Variants in EFR3A observed in about 807,000 individuals in gnomAD.
EFR3A encodes protein EFR3 homolog A.
EFR3A carries 76 observed loss-of-function variants against 104.4 expected under a neutral mutation model. The observed-to-expected ratio is 0.73, with a 90% CI of 0.60 to 0.88. The LOEUF (loss-of-function observed/expected upper bound fraction) is 0.88. EFR3A is among the 40% of genes least tolerant of loss of function. The pLI, the probability that EFR3A is intolerant of heterozygous loss-of-function variation, is 0.00. For synonymous variants in EFR3A, 330 were observed against 330.0 expected (o/e 1.00, Z 0.00); for missense variants, 985 against 1,012.5 (o/e 0.97, Z 0.37).
intron 1 of EFR3A, among the ~76,000 whole-genome samples, chr8:131,931,244 CAT>C (rs1817594836): frequency 6.6e-6 from 1 of 152,090 alleles, no homozygotes; most frequent in Non-Finnish European, 1.5e-5. Flanking sequence ...ACTATGGAAA[CAT>C]AGTTCGCTTT....
intron 1 of EFR3A, among the ~76,000 whole-genome samples, chr8:131,927,292 C>A (rs1817350008): frequency 6.6e-6 from 1 of 152,180 alleles, no homozygotes; most frequent in Non-Finnish European, 1.5e-5. Flanking sequence ...ATTCTTCATA[C>A]ATGTTAGTTT....
At chr8:131,982,270 C>A (rs973377250) in intron 14 of EFR3A, among the ~76,000 whole-genome samples, 1 of 152,070 alleles carries the variant, frequency 6.6e-6, no homozygotes, top group South Asian at 2.1e-4. Flanking sequence ...AGGAACCATA[C>A]ATTGTGTATT....
intron 17 of EFR3A, among the ~76,000 whole-genome samples, chr8:131,987,234 C>T (rs1349149544): frequency 6.6e-6 from 1 of 151,844 alleles, no homozygotes; most frequent in Non-Finnish European, 1.5e-5. Flanking sequence ...TATTTTGTCT[C>T]TCAGTACACT....
At chr8:131,986,509 C>T (rs1820890608) in intron 17 of EFR3A, among the ~76,000 whole-genome samples, 1 of 152,040 alleles carries the variant, frequency 6.6e-6, no homozygotes, top group African/African-American at 2.4e-5. Context: ...CTTGGCCAGG[C>T]GCAGTGGTTC....
chr8:131,950,580 C>T (rs866020578), intron 5 of EFR3A, among the ~76,000 whole-genome samples: 37 of 152,124 alleles, frequency 2.4e-4, no homozygotes, highest in Non-Finnish European at 4.7e-4. Context: ...TCTCATTCTA[C>T]CCCTAGCTAT....
At chr8:131,980,827 T>C (rs1820571715) in intron 14 of EFR3A, among the ~76,000 whole-genome samples, 1 of 152,048 alleles carries the variant, frequency 6.6e-6, no homozygotes, top group South Asian at 2.1e-4. Context: ...CTCCTCGCTT[T>C]CAGGCCCCAG....
intron 1 of EFR3A, among the ~76,000 whole-genome samples, chr8:131,931,049 C>T (rs1053440170): frequency 1.3e-5 from 2 of 151,982 alleles, no homozygotes; most frequent in Non-Finnish European, 1.5e-5. Context: ...CCCGAATGAA[C>T]GTGGGTGTGC....
At chr8:131,941,702 A>G (rs1037042180) in intron 2 of EFR3A, among the ~76,000 whole-genome samples, 1 of 152,052 alleles carries the variant, frequency 6.6e-6, no homozygotes, top group African/African-American at 2.4e-5. Context: ...TAAAGCAGGG[A>G]GGTATCACTG....
At chr8:131,933,814 T>A (rs1264942109) in intron 1 of EFR3A, among the ~76,000 whole-genome samples, 1 of 152,014 alleles carries the variant, frequency 6.6e-6, no homozygotes, top group African/African-American at 2.4e-5. Flanking sequence ...CTGTTTTTTT[T>A]TTTCTACAGT....
At chr8:131,997,918 A>G (rs942426112) in intron 19 of EFR3A, among the ~76,000 whole-genome samples, 2 of 152,108 alleles carry the variant, frequency 1.3e-5, no homozygotes, top group African/African-American at 4.8e-5. Flanking sequence ...AAACATTTGC[A>G]TAAAGACTCA....
Position 131,996,396 on chromosome 8 carries a change from T to C in EFR3A, c.2066-10T>C. 6.5e-7 allele frequency: 1 copy of C among 1,541,380 alleles called. No individual in the cohort carries two copies. Among genetic ancestry groups the C allele is most frequent in the Non-Finnish European group, 8.8e-7 (1 of 1,131,484 alleles). On this transcript the variant is annotated splice_polypyrimidine_tract_variant and intron_variant, in intron 18 of 22. Coordinates refer to ENST00000254624, the MANE Select transcript of EFR3A (RefSeq NM_015137.6). ...TAGCAAATAATGGGAAGAAAACAAT[T>C]TTATTTTAGATGAAGATCGACTTTC... is the stretch of plus-strand genomic sequence containing the variant.
intron 19 of EFR3A, 96 bp from the exon 20 acceptor site, chr8:132,001,663 A>G (rs978774459): frequency 1.9e-6 from 2 of 1,057,626 alleles, no homozygotes; most frequent in Non-Finnish European, 2.9e-6. Context: ...GAAGAAAACA[A>G]ATCTGAAAAA....
At chr8:131,955,532 A>C (rs1358421851) in intron 6 of EFR3A, among the ~76,000 whole-genome samples, 1 of 152,182 alleles carries the variant, frequency 6.6e-6, no homozygotes, top group Admixed American at 6.6e-5. Flanking sequence ...GTTATACATA[A>C]AAGACATTCT....
intron 18 of EFR3A, among the ~76,000 whole-genome samples, chr8:131,988,594 A>G (rs1349125675): frequency 6.6e-6 from 1 of 152,074 alleles, no homozygotes; most frequent in East Asian, 1.9e-4. Flanking sequence ...CTCCTTGAGG[A>G]AATAAAAGTG....
intron 1 of EFR3A, among the ~76,000 whole-genome samples, chr8:131,919,924 C>T (rs912249943): frequency 1.3e-5 from 2 of 151,686 alleles, no homozygotes; most frequent in Non-Finnish European, 2.9e-5. Context: ...CTTCCAGTAT[C>T]AGATTACTGT....
chr8:132,011,466 T>C lies in EFR3A; in HGVS notation c.*571T>C. On this transcript the variant is annotated 3_prime_UTR_variant, in exon 23 of 23. Transcript: ENST00000254624. ...GCATTCCTCATCTTCTTCACAATAA[T>C]AGGACATCTGTTGAATAGCATTCCT... is the stretch of plus-strand genomic sequence containing the variant. 1.0e-6 allele frequency: 1 copy of C among 960,694 alleles called. No homozygotes were observed. The highest frequency in any genetic ancestry group is 1.2e-6 in the Non-Finnish European group (1 of 807,394). 59.5% of individuals were successfully genotyped at this position (960,694 alleles called of 1,614,324 possible). A position where few individuals can be genotyped will look rare whatever the true frequency, so the allele number is the denominator to read the frequency against.
chr8:132,002,990 G>A (rs568513091), intron 21 of EFR3A, among the ~76,000 whole-genome samples: 4 of 152,170 alleles, frequency 2.6e-5, no homozygotes, highest in Admixed American at 1.3e-4. Flanking sequence ...TTTGCTGCAG[G>A]TATTTTGTTT....
At chr8:131,913,981 A>G (rs1816638153) in intron 1 of EFR3A, among the ~76,000 whole-genome samples, 1 of 152,176 alleles carries the variant, frequency 6.6e-6, no homozygotes, top group Non-Finnish European at 1.5e-5. Flanking sequence ...ACTGGAGAAG[A>G]TTTTATCTCC....
At chr8:131,940,831 G>A (rs1818136310) in intron 2 of EFR3A, among the ~76,000 whole-genome samples, 1 of 151,958 alleles carries the variant, frequency 6.6e-6, no homozygotes, top group Non-Finnish European at 1.5e-5. Context: ...TTTATATAGT[G>A]TCTAAGTAAC....
Sources: gnomAD v4.1 joint callset for allele counts (sites outside exome capture counted in the v4.1 genomes callset) on GRCh38, gnomAD v4.1.1 for gene constraint, MANE v1.5 for transcripts, NCBI Gene and HGNC (gene_info 2026-07-23, HGNC 2026-07-21) for gene names.